PSMD1: variants seen among roughly 807,000 people sequenced by gnomAD.
The protein encoded by PSMD1 is proteasome 26S subunit, non-ATPase 1, also known as 26S proteasome non-ATPase regulatory subunit 1.
Under a neutral mutation model 119.0 loss-of-function variants are expected in PSMD1, and 18 were observed. That is an observed-to-expected ratio of 0.15 (90% confidence interval 0.10 to 0.22). The LOEUF is 0.22. Among genes scored for constraint, PSMD1 ranks in the 10% least tolerant of loss-of-function variants. The pLI is 1.00. For missense variants in PSMD1, 702 were observed against 1,158.5 expected (o/e 0.61, Z 5.72); for synonymous variants, 374 against 396.6 (o/e 0.94, Z 0.68).
chr2:231,073,868 T>G (rs1694097872), intron 7 of PSMD1, among the ~76,000 whole-genome samples: 1 of 152,056 alleles, frequency 6.6e-6, no homozygotes, highest in South Asian at 2.1e-4. Context: ...ATAAAATCAT[T>G]TATAGCTTTA....
intron 16 of PSMD1, chr2:231,108,905 C>T (rs1227714475): frequency 1.9e-6 from 3 of 1,614,060 alleles, no homozygotes; most frequent in East Asian, 2.2e-5. Flanking sequence ...AGTTTGGTTA[C>T]AGGAATCACA....
intron 7 of PSMD1, among the ~76,000 whole-genome samples, chr2:231,074,403 G>A (rs1310065950): frequency 6.6e-6 from 1 of 152,032 alleles, no homozygotes; most frequent in Non-Finnish European, 1.5e-5. Context: ...ACCATACCCG[G>A]CCTATTTATT....
At chr2:231,102,445 C>T (rs921782791) in intron 16 of PSMD1, among the ~76,000 whole-genome samples, 2 of 152,086 alleles carry the variant, frequency 1.3e-5, no homozygotes, top group Non-Finnish European at 2.9e-5. Context: ...TACTCATAGC[C>T]TATTATTGAT....
intron 16 of PSMD1, among the ~76,000 whole-genome samples, chr2:231,128,223 T>C (rs1695771303): frequency 6.6e-6 from 1 of 152,250 alleles, no homozygotes; most frequent in African/African-American, 2.4e-5. Flanking sequence ...CATATGCTCA[T>C]GGAGATATAT....
chr2:231,109,383 C>T, intron 16 of PSMD1: 1 of 1,614,034 alleles, frequency 6.2e-7, no homozygotes, highest in South Asian at 1.1e-5. Flanking sequence ...GTCTCTATCC[C>T]TTTAATAGGG....
Position 231,091,728 on chromosome 2 carries a change from G to A in PSMD1, c.1883+4547G>A, listed in dbSNP as rs376946576. Among the ~76,000 whole-genome samples, 7 of 152,004 alleles carry A rather than the reference G, an allele frequency of 4.6e-5. No individual in the cohort carries two copies. In the East Asian group the frequency reaches 7.7e-4, roughly 17 times the overall value. On this transcript the variant is annotated intron_variant, in intron 16 of 24. Coordinates refer to ENST00000308696, the MANE Select transcript of PSMD1 (RefSeq NM_002807.4). ...CTGTTTGTTGGGCGTGTAGATCTAC[G>A]GTGTTTAGGGATTCTAGAATTTTAG...
intron 19 of PSMD1, among the ~76,000 whole-genome samples, chr2:231,155,412 T>C (rs1405983470): frequency 1.3e-5 from 2 of 152,150 alleles, no homozygotes; most frequent in South Asian, 2.1e-4. Context: ...TTAATCTTTT[T>C]GGGTTTTCTA....
At chr2:231,147,815 T>C (rs1371420194) in intron 18 of PSMD1, among the ~76,000 whole-genome samples, 1 of 152,216 alleles carries the variant, frequency 6.6e-6, no homozygotes, top group Admixed American at 6.5e-5. Context: ...TTGTGTCTTA[T>C]GCCTCATCGA....
At chr2:231,122,900 C>G (rs1185634580) in intron 16 of PSMD1, among the ~76,000 whole-genome samples, 1 of 152,104 alleles carries the variant, frequency 6.6e-6, no homozygotes, top group African/African-American at 2.4e-5. Context: ...GAATTGTGTT[C>G]AAGTTTATAA....
chr2:231,115,493 G>A (rs187717860), intron 16 of PSMD1, among the ~76,000 whole-genome samples: 1 of 152,254 alleles, frequency 6.6e-6, no homozygotes, highest in East Asian at 1.9e-4. Context: ...TTAGTTCTAT[G>A]TTCAGCAGCT....
At position 231,056,953 on chromosome 2, in the gene PSMD1, G is replaced by A. The variant is rs923189027; in HGVS notation, c.-73G>A. On this transcript the variant is annotated 5_prime_UTR_variant, in exon 1 of 25. Transcript: ENST00000308696. ...AGCAAGGAGGCGCGGTGAACTGAGC[G>A]GCCCCTGAGCTGACAGATACACTGC... 3 of 1,532,566 alleles carry A rather than the reference G, an allele frequency of 2.0e-6. No homozygotes were observed. In the African/African-American group the frequency reaches 4.2e-5, roughly 22 times the overall value. The allele number at this position is 1,532,566 out of a possible 1,614,324, so 94.9% of individuals were successfully genotyped here.
At chr2:231,115,399 T>A (rs113536361) in intron 16 of PSMD1, among the ~76,000 whole-genome samples, 4 of 152,294 alleles carry the variant, frequency 2.6e-5, no homozygotes, top group African/African-American at 9.6e-5. Flanking sequence ...GCATTCTGAA[T>A]AAGAATATTA....
At chr2:231,144,513 A>G (rs1696209400) in intron 17 of PSMD1, among the ~76,000 whole-genome samples, 1 of 141,516 alleles carries the variant, frequency 7.1e-6, no homozygotes. Context: ...TCCTGACCTC[A>G]GATGATCCAC....
At chr2:231,117,480 G>A (rs1695382210) in intron 16 of PSMD1, among the ~76,000 whole-genome samples, 1 of 152,068 alleles carries the variant, frequency 6.6e-6, no homozygotes, top group African/African-American at 2.4e-5. Context: ...TAGCATTTCT[G>A]TCAATGCCTG....
intron 8 of PSMD1, 79 bp from the exon 9 acceptor site, chr2:231,076,955 C>A (rs1484956093): frequency 1.5e-6 from 2 of 1,308,854 alleles, no homozygotes; most frequent in African/African-American, 3.1e-5. Context: ...TGGTTTAGGA[C>A]TGATGAAATA....
At chr2:231,138,707 C>T in intron 16 of PSMD1, 29 bp from the exon 17 acceptor site, 1 of 1,519,760 alleles carries the variant, frequency 6.6e-7, no homozygotes, top group Non-Finnish European at 9.1e-7. Context: ...TTACCTATAA[C>T]AGTGGCTTCG....
intron 16 of PSMD1, among the ~76,000 whole-genome samples, chr2:231,126,438 T>C (rs1291341534): frequency 1.3e-5 from 2 of 151,618 alleles, no homozygotes; most frequent in Non-Finnish European, 2.9e-5. Context: ...AGATCTTGTC[T>C]CCAAGATTAA....
At chr2:231,105,702 T>C (rs1458073276) in intron 16 of PSMD1, among the ~76,000 whole-genome samples, 1 of 152,154 alleles carries the variant, frequency 6.6e-6, no homozygotes, top group Non-Finnish European at 1.5e-5. Flanking sequence ...GCAACTGTTT[T>C]TTAGACCACA....
chr2:231,080,748 C>A (rs977213289), intron 12 of PSMD1, among the ~76,000 whole-genome samples: 1 of 152,102 alleles, frequency 6.6e-6, no homozygotes, highest in Non-Finnish European at 1.5e-5. Flanking sequence ...TTTTAAGGAA[C>A]CTTAAAATGT....
Sources: allele counts gnomAD v4.1 joint callset (sites outside exome capture counted in the v4.1 genomes callset), GRCh38; gene constraint gnomAD v4.1.1; transcripts MANE v1.5; gene names NCBI Gene and HGNC (gene_info 2026-07-23, HGNC 2026-07-21).